Variants in ENAH observed in about 807,000 individuals in gnomAD.
The protein encoded by ENAH is protein enabled homolog.
A neutral mutation model predicts 78.7 loss-of-function variants in ENAH; 23 were observed. The observed-to-expected ratio is 0.29, with a 90% CI of 0.21 to 0.41. The LOEUF (loss-of-function observed/expected upper bound fraction) is 0.41. Ranked by LOEUF, ENAH falls within the 10% of genes least tolerant of loss-of-function variation. ENAH has a pLI of 1.00. For synonymous variants in ENAH, 226 were observed against 241.0 expected, an observed-to-expected ratio of 0.94 and a Z score of 0.58; for missense variants, 544 against 691.0, an observed-to-expected ratio of 0.79 and a Z score of 2.39.
At chr1:225,648,800 C>G (rs970042230) in intron 1 of ENAH, among the ~76,000 whole-genome samples, 5 of 143,854 alleles carry the variant, frequency 3.5e-5, no homozygotes, top group Non-Finnish European at 6.0e-5. Context: ...ATTAACAGGT[C>G]AGCATATAAA....
At chr1:225,601,494 G>C (rs1418140369) in intron 1 of ENAH, among the ~76,000 whole-genome samples, 1 of 151,140 alleles carries the variant, frequency 6.6e-6, no homozygotes, top group Non-Finnish European at 1.5e-5. Context: ...CGCCAGCCTG[G>C]GTGACAGAGT....
chr1:225,577,713 G>A (rs1443609922), intron 1 of ENAH, among the ~76,000 whole-genome samples: 1 of 152,150 alleles, frequency 6.6e-6, no homozygotes, highest in East Asian at 1.9e-4. Flanking sequence ...TCAAAAGCAA[G>A]ATGGCATGAT....
intron 1 of ENAH, among the ~76,000 whole-genome samples, chr1:225,616,660 CA>C (rs1655761420): frequency 6.6e-6 from 1 of 151,992 alleles, no homozygotes; most frequent in Non-Finnish European, 1.5e-5. Context: ...GCTCAAAAAT[CA>C]AAAGTGATAC....
intron 1 of ENAH, among the ~76,000 whole-genome samples, chr1:225,620,227 C>T (rs1440934263): frequency 6.6e-6 from 1 of 151,822 alleles, no homozygotes; most frequent in Non-Finnish European, 1.5e-5. Flanking sequence ...TTCAACACTT[C>T]GTCACTAGAA....
At position 225,570,185 on chromosome 1, in the gene ENAH, A is replaced by AT. The variant is rs1455032186; in HGVS notation, c.6-2772_6-2771insA. Among the ~76,000 whole-genome samples the AT allele has an allele frequency of 2.6e-5, 4 of 151,714 alleles. No individual in the cohort carries two copies. The East Asian group carries it at 7.7e-4, about 29-fold the overall frequency. ...TGCTCCATCTCAAAAAAAAAAAAAA[A>AT]AATACATTAGGCACTCAGAGAAGCC... On this transcript the variant is annotated intron_variant, in intron 1 of 13. Transcript: ENST00000366843.
At chr1:225,603,973 T>C (rs977966562) in intron 1 of ENAH, among the ~76,000 whole-genome samples, 5 of 152,222 alleles carry the variant, frequency 3.3e-5, no homozygotes, top group African/African-American at 1.2e-4. Flanking sequence ...CAGTAGCCTT[T>C]TGCATACCAG....
chr1:225,593,456 G>A (rs17502823), intron 1 of ENAH, among the ~76,000 whole-genome samples: 5,813 of 137,850 alleles, frequency 0.042, 223 homozygotes, highest in South Asian at 0.11. Context: ...AAGTACCAAA[G>A]AGTCTTTGTG....
intron 1 of ENAH, among the ~76,000 whole-genome samples, chr1:225,635,974 T>C (rs1190172586): frequency 1.3e-5 from 2 of 152,244 alleles, no homozygotes; most frequent in East Asian, 3.8e-4. Flanking sequence ...AGACTCAAGA[T>C]GCAACATCAA....
In ENAH at chr1:225,600,116, C is replaced by T. The variant is rs373423059; in HGVS notation, c.6-32702G>A. Among the ~76,000 whole-genome samples, 37 of 152,328 alleles carry T rather than the reference C, an allele frequency of 2.4e-4. 1 individual carries two copies. The South Asian group carries it at 7.7e-3, about 32-fold the overall frequency. ...CACACTTCCTATAAAGCCTGCAGAA[C>T]CATGAGCCAATTAAACCTCTTCTCT... On this transcript the variant is annotated intron_variant, in intron 1 of 13. Transcript: ENST00000366843.
At chr1:225,515,745 C>T (rs1422753786) in intron 6 of ENAH, among the ~76,000 whole-genome samples, 1 of 152,144 alleles carries the variant, frequency 6.6e-6, no homozygotes, top group Non-Finnish European at 1.5e-5. Context: ...TAATTGCTAA[C>T]TTTTTCAGCT....
intron 1 of ENAH, among the ~76,000 whole-genome samples, chr1:225,640,597 C>T (rs1453971509): frequency 6.6e-6 from 1 of 152,132 alleles, no homozygotes; most frequent in Non-Finnish European, 1.5e-5. Flanking sequence ...GGCTCTGGAA[C>T]CTGACTGCCT....
At chr1:225,600,759 G>C (rs2096926704) in intron 1 of ENAH, among the ~76,000 whole-genome samples, 1 of 152,092 alleles carries the variant, frequency 6.6e-6, no homozygotes, top group African/African-American at 2.4e-5. Flanking sequence ...TGGGGGAAAT[G>C]AGGTGGGAGG....
intron 10 of ENAH, among the ~76,000 whole-genome samples, chr1:225,510,800 T>G (rs1176407358): frequency 6.6e-6 from 1 of 150,676 alleles, no homozygotes; most frequent in Non-Finnish European, 1.5e-5. Context: ...TCACTTGAGC[T>G]CAGGAGTTTG....
At chr1:225,564,375 C>T (rs991416554) in intron 2 of ENAH, among the ~76,000 whole-genome samples, 13 of 151,896 alleles carry the variant, frequency 8.6e-5, no homozygotes, top group Admixed American at 7.2e-4. Flanking sequence ...CCGCAACCTC[C>T]GCTCCCAGGT....
intron 2 of ENAH, among the ~76,000 whole-genome samples, chr1:225,560,646 T>A (rs898419098): frequency 6.6e-6 from 1 of 152,210 alleles, no homozygotes; most frequent in African/African-American, 2.4e-5. Context: ...CACAAGCCAC[T>A]GTGCCCACCC....
At chr1:225,588,272 T>C (rs965521507) in intron 1 of ENAH, among the ~76,000 whole-genome samples, 6 of 152,148 alleles carry the variant, frequency 3.9e-5, no homozygotes, top group Admixed American at 6.5e-5. Flanking sequence ...AAATCTGACA[T>C]GAATCCAACA....
intron 1 of ENAH, among the ~76,000 whole-genome samples, chr1:225,650,344 T>C (rs1029622927): frequency 6.6e-6 from 1 of 152,180 alleles, no homozygotes; most frequent in Non-Finnish European, 1.5e-5. Context: ...CCTCTCTCTC[T>C]ACACTTCATA....
Position 225,652,670 on chromosome 1 carries a change from C to T in ENAH, c.5+16G>A. On this transcript the variant is annotated intron_variant, in intron 1 of 13. Transcript: ENST00000366843. ...GCACAATGGCCCGCCCGGCCCCCGCCCCGCGCGCCCCTCACCTCATGGTGC... is the reference window on the plus strand; with the variant it reads ...GCACAATGGCCCGCCCGGCCCCCGCTCCGCGCGCCCCTCACCTCATGGTGC... The T allele has an allele frequency of 7.8e-7, 1 of 1,277,942 alleles. No homozygotes were observed. Among genetic ancestry groups the T allele is most frequent in the Non-Finnish European group, 9.9e-7 (1 of 1,012,012 alleles). 79.2% of individuals were successfully genotyped at this position (1,277,942 alleles called of 1,614,324 possible). A position where few individuals can be genotyped will look rare whatever the true frequency, so the allele number is the denominator to read the frequency against.
chr1:225,544,672 T>A (rs768557655), intron 3 of ENAH, among the ~76,000 whole-genome samples: 1 of 152,192 alleles, frequency 6.6e-6, no homozygotes. Context: ...GCTGCGCTCA[T>A]GAAAAATGAG....
Sources: allele counts gnomAD v4.1 joint callset (sites outside exome capture counted in the v4.1 genomes callset), GRCh38; gene constraint gnomAD v4.1.1; transcripts MANE v1.5; gene names NCBI Gene and HGNC (gene_info 2026-07-23, HGNC 2026-07-21).